TBX18: variants seen among roughly 807,000 people sequenced by gnomAD.
The protein encoded by TBX18 is T-box transcription factor 18.
A neutral mutation model predicts 55.0 loss-of-function variants in TBX18; 21 were observed. The ratio of observed to expected loss-of-function variants is 0.38; its 90% CI spans 0.27 to 0.55. TBX18 has a LOEUF of 0.55. TBX18 is among the 20% of genes least tolerant of loss of function. TBX18 has a pLI of 0.73. For missense variants in TBX18, 840 were observed against 799.6 expected, an observed-to-expected ratio of 1.05 and a Z score of -0.61; for synonymous variants, 342 against 326.1, an observed-to-expected ratio of 1.05 and a Z score of -0.53.
At chr6:84,751,214 T>C (rs1468898634) in intron 4 of TBX18, among the ~76,000 whole-genome samples, 1 of 152,224 alleles carries the variant, frequency 6.6e-6, no homozygotes, top group Non-Finnish European at 1.5e-5. Context: ...CAAAGATTCA[T>C]TTGGGTTTCT....
rs983602998 is a variant in TBX18 at position 84,764,131 on chromosome 6, C to T, written c.51G>A (p.Ala17=). The T allele has an allele frequency of 1.3e-6, 2 of 1,574,620 alleles. No individual in the cohort carries two copies. The highest frequency in any genetic ancestry group is 1.4e-5 in the African/African-American group (1 of 72,428). ...GSPCSMLSLK[A]HAFSVEALIG... is the part of the protein sequence containing the mutation. ...TCAGCGCCTCCACCGAGAAAGCGTGCGCCTTGAGGCTTAGCATGCTGCACG... is the reference window on the plus strand; with the variant it reads ...TCAGCGCCTCCACCGAGAAAGCGTGTGCCTTGAGGCTTAGCATGCTGCACG... The change falls in exon 1 of 8, where the codon GCG becomes GCA. Residue 17 remains alanine (A), a synonymous_variant. Transcript: ENST00000369663.
In TBX18 at chr6:84,732,732, A is replaced by G. The variant is rs1459698052; in HGVS notation, c.*3953T>C. The G allele has an allele frequency of 1.3e-5, 2 of 152,062 alleles. No homozygotes were observed. Among genetic ancestry groups the G allele is most frequent in the Non-Finnish European group, 2.9e-5 (2 of 67,964 alleles). 9.4% of individuals were successfully genotyped at this position (152,062 alleles called of 1,614,324 possible). ...AATTTATCCTGTAAAACTAAAGCAC[A>G]GTTCCATTTAAAGGATAAATTTCAC... On this transcript the variant is annotated 3_prime_UTR_variant, in exon 8 of 8. Transcript: ENST00000369663.
At chr6:84,742,559 T>A (rs1767072482) in intron 6 of TBX18, 1 of 152,158 alleles carries the variant, frequency 6.6e-6, no homozygotes, top group South Asian at 2.1e-4. Flanking sequence ...CTGTTCAAAA[T>A]ACAAAGTATT....
intron 6 of TBX18, among the ~76,000 whole-genome samples, chr6:84,739,267 A>G (rs1323316146): frequency 3.3e-5 from 5 of 152,012 alleles, no homozygotes; most frequent in Non-Finnish European, 7.4e-5. Flanking sequence ...AGTTACTATT[A>G]AATCACAAAT....
Position 84,756,807 on chromosome 6 carries a change from C to T in TBX18, c.662G>A (p.Arg221His), listed in dbSNP as rs762412545. ...AGGCGAGTCTGGATGAATGTACACA[C>T]GGGGTGGCACAGGCGAGTCAGCATT... ...AGNADSPVPPRVYIHPDSPAS... is the reference protein window; with the variant it reads ...AGNADSPVPPHVYIHPDSPAS... Residue 221 changes from arginine to histidine, a missense_variant, in exon 4 of 8, where the codon CGT becomes CAT. Coordinates refer to ENST00000369663, the MANE Select transcript of TBX18 (RefSeq NM_001080508.3). 6.8e-6 allele frequency: 11 copies of T among 1,613,924 alleles called. No individual in the cohort carries two copies. Among genetic ancestry groups the T allele is most frequent in the East Asian group, 2.2e-5 (1 of 44,868 alleles).
chr6:84,754,358 G>A (rs1017756773), intron 4 of TBX18, among the ~76,000 whole-genome samples: 7 of 152,118 alleles, frequency 4.6e-5, no homozygotes, highest in Non-Finnish European at 7.4e-5. Flanking sequence ...TAATACGTAC[G>A]TACATTTTTA....
At position 84,764,296 on chromosome 6, in the gene TBX18, G is replaced by GC. The variant is rs1483679476; in HGVS notation, c.-116dup. The GC allele has an allele frequency of 1.1e-5, 14 of 1,288,014 alleles. No homozygotes were observed. In the African/African-American group the frequency reaches 1.6e-4, roughly 15 times the overall value. The allele number at this position is 1,288,014 out of a possible 1,614,324, so 79.8% of individuals were successfully genotyped here. On this transcript the variant is annotated 5_prime_UTR_variant, in exon 1 of 8. Transcript: ENST00000369663. ...AGGCTCTCGGGGCCTCCCGAGATCT[G>GC]CCCCCTTCCCCACCGCGGGCAAAAA... is the stretch of plus-strand genomic sequence containing the variant.
In TBX18 at chr6:84,764,089, C is replaced by T. The variant is rs1206270414; in HGVS notation, c.93G>A (p.Gln31=). The T allele has an allele frequency of 6.3e-7, 1 of 1,585,936 alleles. No homozygotes were observed. Among genetic ancestry groups the T allele is most frequent in the Non-Finnish European group, 8.5e-7 (1 of 1,171,292 alleles). The stretch of plus-strand genomic sequence containing the variant: ...TTCGCCGCTTCTTCTGAAGCTGTTG[C>T]TGCTTCTCGGCGCCGATCAGCGCCT... ...SVEALIGAEK[Q]QQLQKKRRKL... Residue 31 remains glutamine, a synonymous_variant, in exon 1 of 8, where the codon CAG becomes CAA. Coordinates refer to ENST00000369663, the MANE Select transcript of TBX18 (RefSeq NM_001080508.3).
At chr6:84,747,374 C>G (rs1393172316) in intron 5 of TBX18, among the ~76,000 whole-genome samples, 1 of 152,170 alleles carries the variant, frequency 6.6e-6, no homozygotes, top group Non-Finnish European at 1.5e-5. Flanking sequence ...TATTTCACTT[C>G]TCACACTATT....
intron 6 of TBX18, chr6:84,741,579 A>T (rs1767049796): frequency 6.6e-6 from 1 of 152,210 alleles, no homozygotes; most frequent in Non-Finnish European, 1.5e-5. Context: ...ATTTTTAATT[A>T]AGGCAAATTG....
chr6:84,743,557 C>T (rs1230510008), intron 6 of TBX18, among the ~76,000 whole-genome samples: 1 of 152,186 alleles, frequency 6.6e-6, no homozygotes, highest in Non-Finnish European at 1.5e-5. Context: ...TTATTACTCT[C>T]TATTACTACT....
intron 3 of TBX18, 25 bp from the exon 4 acceptor site, chr6:84,756,894 A>G (rs1342850336): frequency 2.5e-6 from 4 of 1,609,328 alleles, no homozygotes; most frequent in Admixed American, 3.3e-5. Context: ...CCAGGCGTTC[A>G]GTATACTGTT....
Position 84,764,013 on chromosome 6 carries a change from G to A in TBX18, c.169C>T (p.Arg57Cys), listed in dbSNP as rs1454118101. 5.1e-6 allele frequency: 8 copies of A among 1,557,190 alleles called. No individual in the cohort carries two copies. The highest frequency in any genetic ancestry group is 1.4e-5 in the African/African-American group (1 of 73,444). ...CCCTTTTCGCCCGCGCCGCCGCCGCGGCTGCAGCCTCCGTCGTCCACGGCC... is the reference window on the plus strand; with the variant it reads ...CCCTTTTCGCCCGCGCCGCCGCCGCAGCTGCAGCCTCCGTCGTCCACGGCC... ...AGAVDDGGCSRGGGAGEKGSS... is the reference protein window; with the variant it reads ...AGAVDDGGCSCGGGAGEKGSS... Residue 57 changes from arginine to cysteine, a missense_variant, in exon 1 of 8, where the codon CGC becomes TGC. Arg to Cys is a radical substitution (Grantham distance 180). Transcript: ENST00000369663.
At chr6:84,758,642 A>G (rs1425151499) in intron 3 of TBX18, among the ~76,000 whole-genome samples, 1 of 152,182 alleles carries the variant, frequency 6.6e-6, no homozygotes, top group Non-Finnish European at 1.5e-5. Flanking sequence ...AGATTCAAGA[A>G]AAATTACACT....
chr6:84,759,860 T>C (rs978027476), intron 3 of TBX18, among the ~76,000 whole-genome samples: 1 of 152,082 alleles, frequency 6.6e-6, no homozygotes, highest in African/African-American at 2.4e-5. Context: ...GAAATTTACA[T>C]GACCAAAAGA....
At position 84,733,625 on chromosome 6, in the gene TBX18, C is replaced by T. The variant is rs1377298244; in HGVS notation, c.*3060G>A. 2.6e-5 allele frequency: 4 copies of T among 152,200 alleles called. No homozygotes were observed. Among genetic ancestry groups the T allele is most frequent in the Non-Finnish European group, 5.9e-5 (4 of 68,040 alleles). The allele number at this position is 152,200 out of a possible 1,614,324, so 9.4% of individuals were successfully genotyped here. The stretch of plus-strand genomic sequence containing the variant: ...CACTGCAGAGTTTAGTTAGGGATCT[C>T]TCTTCTTGCACCTTCTCCTTCCCAT... On this transcript the variant is annotated 3_prime_UTR_variant, in exon 8 of 8. Transcript: ENST00000369663.
At chr6:84,755,970 C>T (rs1767476546) in intron 4 of TBX18, among the ~76,000 whole-genome samples, 1 of 152,132 alleles carries the variant, frequency 6.6e-6, no homozygotes, top group Admixed American at 6.5e-5. Flanking sequence ...GCATTTTAAT[C>T]CTGCCTCAAT....
At position 84,737,321 on chromosome 6, in the gene TBX18, G is replaced by A; in HGVS notation, c.1188C>T (p.Ser396=). 6.3e-7 allele frequency: 1 copy of A among 1,595,264 alleles called. No individual in the cohort carries two copies. The highest frequency in any genetic ancestry group is 1.2e-5 in the South Asian group (1 of 86,874). ...HPHLLSGSSC[S]SPAFHLGPNT... Reference sequence around the variant, plus strand: ...TGGGCCCCAGATGGAAGGCAGGAGAGGAGCAAGAGGAGCCAGACAAAAGGT... The same window carrying A: ...TGGGCCCCAGATGGAAGGCAGGAGAAGAGCAAGAGGAGCCAGACAAAAGGT... Residue 396 remains serine, a synonymous_variant, in exon 8 of 8, where the codon TCC becomes TCT. Transcript: ENST00000369663.
At chr6:84,756,074 A>G (rs1329529005) in intron 4 of TBX18, among the ~76,000 whole-genome samples, 1 of 152,240 alleles carries the variant, frequency 6.6e-6, no homozygotes, top group Non-Finnish European at 1.5e-5. Flanking sequence ...TTAAAATAAT[A>G]GTGTAGAAAT....
Sources: allele counts gnomAD v4.1 joint callset (sites outside exome capture counted in the v4.1 genomes callset), GRCh38; gene constraint gnomAD v4.1.1; transcripts MANE v1.5; gene names NCBI Gene and HGNC (gene_info 2026-07-23, HGNC 2026-07-21).